Variants in SLC24A3 observed in about 807,000 individuals in gnomAD.
The protein encoded by SLC24A3 is solute carrier family 24 member 3.
In SLC24A3, 28 loss-of-function variants were observed where a neutral mutation model predicts 75.8. The ratio of observed to expected loss-of-function variants is 0.37; its 90% CI spans 0.27 to 0.51. SLC24A3 has a LOEUF of 0.51. SLC24A3 is among the 20% of genes least tolerant of loss of function. The pLI, the probability that SLC24A3 is intolerant of heterozygous loss-of-function variation, is 0.94. For synonymous variants in SLC24A3, 372 were observed against 334.1 expected (o/e 1.11, Z -1.24); for missense variants, 663 against 847.8 (o/e 0.78, Z 2.71).
intron 6 of SLC24A3, among the ~76,000 whole-genome samples, chr20:19,612,607 A>AGTGTGTGTGTGTGTGT (rs71198018): frequency 0.011 from 1,579 of 146,888 alleles, 14 homozygotes; most frequent in Middle Eastern, 0.028. Flanking sequence ...CCTTAAGAAA[A>AGTGTGTGTGTGTGTGT]GTGTGTGTGT....
chr20:19,481,866 A>G (rs1988059856), intron 2 of SLC24A3, among the ~76,000 whole-genome samples: 1 of 151,958 alleles, frequency 6.6e-6, no homozygotes, highest in African/African-American at 2.4e-5. Context: ...TAGCCTTATA[A>G]TCTTGGGCTC....
chr20:19,692,399 G>A (rs1408072646), intron 12 of SLC24A3, among the ~76,000 whole-genome samples: 1 of 152,170 alleles, frequency 6.6e-6, no homozygotes, highest in Admixed American at 6.5e-5. Context: ...CCGCCATATG[G>A]ATAACAAATC....
chr20:19,617,237 C>T (rs748460749), intron 6 of SLC24A3, among the ~76,000 whole-genome samples: 23 of 152,202 alleles, frequency 1.5e-4, no homozygotes, highest in South Asian at 2.1e-4. Flanking sequence ...AGAATCTAGA[C>T]GAGGCCGTGG....
At chr20:19,599,521 T>C (rs1160709504) in intron 6 of SLC24A3, among the ~76,000 whole-genome samples, 1 of 152,240 alleles carries the variant, frequency 6.6e-6, no homozygotes, top group Non-Finnish European at 1.5e-5. Context: ...ATATGTATGA[T>C]GTGTCCCTGG....
intron 15 of SLC24A3, among the ~76,000 whole-genome samples, chr20:19,708,963 C>T (rs1158037647): frequency 3.3e-5 from 5 of 151,730 alleles, no homozygotes; most frequent in African/African-American, 1.2e-4. Flanking sequence ...CCCTCAGAAA[C>T]TATTCATTTC....
intron 9 of SLC24A3, among the ~76,000 whole-genome samples, chr20:19,674,177 G>C (rs2032499382): frequency 6.6e-6 from 1 of 152,206 alleles, no homozygotes; most frequent in Admixed American, 6.5e-5. Flanking sequence ...TGAAGAGTTA[G>C]TTAAGAGACA....
At chr20:19,267,351 C>T (rs1019742652) in intron 1 of SLC24A3, among the ~76,000 whole-genome samples, 6 of 152,156 alleles carry the variant, frequency 3.9e-5, no homozygotes, top group Non-Finnish European at 7.4e-5. Context: ...GCACTATGGG[C>T]TATAACTACT....
chr20:19,358,266 A>G (rs1985725556), intron 2 of SLC24A3, among the ~76,000 whole-genome samples: 1 of 152,220 alleles, frequency 6.6e-6, no homozygotes, highest in Non-Finnish European at 1.5e-5. Context: ...CCTTAGGGAC[A>G]GCTGCGGAGG....
chr20:19,556,017 T>C (rs1257680425), intron 3 of SLC24A3, among the ~76,000 whole-genome samples: 1 of 152,152 alleles, frequency 6.6e-6, no homozygotes, highest in African/African-American at 2.4e-5. Context: ...TGGTAAGGCC[T>C]TTCTGGTTCA....
At chr20:19,264,416 C>T (rs553298735) in intron 1 of SLC24A3, among the ~76,000 whole-genome samples, 2 of 152,272 alleles carry the variant, frequency 1.3e-5, no homozygotes, top group South Asian at 2.1e-4. Flanking sequence ...TGCTTCCTGG[C>T]TCAGGGCCTT....
chr20:19,587,567 A>C (rs6106109), intron 6 of SLC24A3, among the ~76,000 whole-genome samples: 21,776 of 152,196 alleles, frequency 0.14, 1,698 homozygotes, highest in African/African-American at 0.2. Context: ...GTCATGTGCC[A>C]AACTGGAGAT....
At position 19,393,663 on chromosome 20, in the gene SLC24A3, G is replaced by A. The variant is rs944146969; in HGVS notation, c.271+112576G>A. ...AACTTAACCAAGGAGGAAGGCAAGAGATTTGTCCATTCAAAACTACAAAAT... is the reference window on the plus strand; with the variant it reads ...AACTTAACCAAGGAGGAAGGCAAGAAATTTGTCCATTCAAAACTACAAAAT... On this transcript the variant is annotated intron_variant, in intron 2 of 16. Coordinates refer to ENST00000328041, the MANE Select transcript of SLC24A3 (RefSeq NM_020689.4). Among the ~76,000 whole-genome samples, 13 of 152,174 alleles carry A rather than the reference G, an allele frequency of 8.5e-5. No homozygotes were observed. In the South Asian group the frequency reaches 1.5e-3, roughly 17 times the overall value.
At chr20:19,257,773 G>A (rs1397175661) in intron 1 of SLC24A3, 1 of 152,184 alleles carries the variant, frequency 6.6e-6, no homozygotes, top group Non-Finnish European at 1.5e-5. Context: ...GATATGGTGT[G>A]TATTTCCATT....
intron 3 of SLC24A3, among the ~76,000 whole-genome samples, chr20:19,570,443 C>T (rs552033958): frequency 6.6e-6 from 1 of 152,246 alleles, no homozygotes; most frequent in South Asian, 2.1e-4. Flanking sequence ...GAATACCCCC[C>T]TGTGTGTTCC....
chr20:19,465,182 C>T (rs547564783), intron 2 of SLC24A3, among the ~76,000 whole-genome samples: 100 of 152,210 alleles, frequency 6.6e-4, no homozygotes, highest in Non-Finnish European at 1.0e-3. Flanking sequence ...GCAGATTTCA[C>T]GGAGCGATAG....
intron 2 of SLC24A3, among the ~76,000 whole-genome samples, chr20:19,300,759 C>T (rs150110333): frequency 1.3e-5 from 2 of 152,214 alleles, no homozygotes; most frequent in African/African-American, 4.8e-5. Flanking sequence ...CTCTCTCATT[C>T]CTGGAGTCTT....
chr20:19,465,353 G>A (rs535583967), intron 2 of SLC24A3, among the ~76,000 whole-genome samples: 2 of 150,912 alleles, frequency 1.3e-5, no homozygotes, highest in South Asian at 4.2e-4. Flanking sequence ...CTTCCCATTT[G>A]GAAGAGTTAC....
intron 2 of SLC24A3, among the ~76,000 whole-genome samples, chr20:19,360,562 T>A (rs1985767187): frequency 6.6e-6 from 1 of 152,270 alleles, no homozygotes; most frequent in East Asian, 1.9e-4. Flanking sequence ...TTTTATGGCA[T>A]CTGAATCTAT....
intron 6 of SLC24A3, among the ~76,000 whole-genome samples, chr20:19,603,882 C>A (rs900341202): frequency 6.6e-6 from 1 of 152,156 alleles, no homozygotes; most frequent in Non-Finnish European, 1.5e-5. Flanking sequence ...GCAATGGTAG[C>A]CTCTGTTACC....
Sources: allele counts gnomAD v4.1 joint callset (sites outside exome capture counted in the v4.1 genomes callset), GRCh38; gene constraint gnomAD v4.1.1; transcripts MANE v1.5; gene names NCBI Gene and HGNC (gene_info 2026-07-23, HGNC 2026-07-21).